The following GAB4 variants were observed in gnomAD, a reference collection of about 807,000 sequenced individuals.
GAB4 encodes the protein GRB2 associated binding protein family member 4, also known as GRB2-associated-binding protein 4.
Under a neutral mutation model 51.3 loss-of-function variants are expected in GAB4, and 26 were observed. The observed-to-expected ratio is 0.51, with a 90% CI of 0.37 to 0.70. The LOEUF is 0.70. Ranked by LOEUF, GAB4 falls within the 30% of genes least tolerant of loss-of-function variation. The probability of loss-of-function intolerance (pLI) is 0.00; values close to 1 mark genes in which losing one functional copy is unlikely to be tolerated. For missense variants in GAB4, 759 were observed against 734.6 expected (o/e 1.03, Z -0.38); for synonymous variants, 329 against 291.2 (o/e 1.13, Z -1.32).
chr22:16,987,886 T>A (rs2060880774), intron 3 of GAB4, 74 bp downstream of exon 3: 1 of 1,149,720 alleles, frequency 8.7e-7, no homozygotes. Flanking sequence ...CTTTGAAATT[T>A]AAAAAAATCA....
At chr22:17,007,732 T>C (rs185578407) in intron 1 of GAB4, among the ~76,000 whole-genome samples, 151 of 152,220 alleles carry the variant, frequency 9.9e-4, no homozygotes, top group African/African-American at 3.2e-3. Flanking sequence ...TCCCCAGCCC[T>C]GGAATCAACT....
intron 2 of GAB4, among the ~76,000 whole-genome samples, chr22:16,989,014 G>A (rs146102069): frequency 2.0e-4 from 31 of 152,214 alleles, no homozygotes; most frequent in African/African-American, 3.9e-4. Context: ...CCATGTTCCC[G>A]TTACATGCGT....
chr22:16,969,573 TC>T (rs1601250743), intron 4 of GAB4: 2 of 493,554 alleles, frequency 4.1e-6, no homozygotes, highest in East Asian at 6.1e-5. Context: ...CGGTGCCACC[TC>T]CCCTCTCCCT....
chr22:16,964,844 G>A lies in GAB4; in HGVS notation c.1398C>T (p.Ser466=), dbSNP rs150913589. Residue 466 remains serine, a synonymous_variant, in exon 8 of 10, where the codon AGC becomes AGT. Coordinates refer to ENST00000400588, the MANE Select transcript of GAB4 (RefSeq NM_001037814.1). ...GCGTGGAGATGGGGTGTTGGGAGGA[G>A]CTGGAGTCAAAGGTGTGGCTGTCAT... ...WSGTSHTFDS[S]SSQHPISTQS... 1.5e-5 allele frequency: 25 copies of A among 1,613,978 alleles called. No homozygotes were observed. The highest frequency in any genetic ancestry group is 2.0e-5 in the Non-Finnish European group (24 of 1,179,886).
chr22:17,001,291 T>A (rs11705203), intron 1 of GAB4, among the ~76,000 whole-genome samples: 3,367 of 152,346 alleles, frequency 0.022, 59 homozygotes, highest in Middle Eastern at 0.068. Context: ...AGACGTAGAT[T>A]TGGTCTTTTC....
rs552329498 is a variant in GAB4, at chr22:16,962,378, G to A, written c.*355C>T. 14 of 182,070 alleles carry A rather than the reference G, an allele frequency of 7.7e-5. No homozygotes were observed. The highest frequency in any genetic ancestry group is 6.1e-4 in the Admixed American group (10 of 16,360). 11.3% of individuals were successfully genotyped at this position (182,070 alleles called of 1,614,324 possible). The stretch of plus-strand genomic sequence containing the variant: ...TGTGGCCTGTGGGCCTTGGGTCCCC[G>A]GGTCAGCAAGGTAGCTCCTCATGTT... On this transcript the variant is annotated 3_prime_UTR_variant, in exon 10 of 10. Coordinates refer to ENST00000400588, the MANE Select transcript of GAB4 (RefSeq NM_001037814.1).
intron 3 of GAB4, among the ~76,000 whole-genome samples, chr22:16,984,082 AG>A (rs1216269678): frequency 2.0e-5 from 3 of 152,200 alleles, no homozygotes; most frequent in African/African-American, 7.2e-5. Context: ...AGAATATATA[AG>A]GAACTCTAAC....
intron 6 of GAB4, among the ~76,000 whole-genome samples, chr22:16,965,780 C>T (rs1474449607): frequency 6.6e-6 from 1 of 152,180 alleles, no homozygotes; most frequent in East Asian, 1.9e-4. Context: ...GAACCCCGTG[C>T]TGGGCCAAGG....
rs770517686 is a variant in GAB4, at chr22:16,962,441, G to A, written c.*292C>T. ...GAAACAGCCCAGAGGCTAGAAGGAA[G>A]AGGCTGAGGACCATGAGTAAGTGTG... On this transcript the variant is annotated 3_prime_UTR_variant, in exon 10 of 10. Transcript: ENST00000400588. The A allele has an allele frequency of 1.5e-5, 4 of 264,058 alleles. No homozygotes were observed. Among genetic ancestry groups the A allele is most frequent in the Non-Finnish European group, 2.8e-5 (4 of 140,352 alleles). 16.4% of individuals were successfully genotyped at this position (264,058 alleles called of 1,614,324 possible).
chr22:16,989,282 G>C (rs1371453639), intron 2 of GAB4, among the ~76,000 whole-genome samples: 1 of 152,206 alleles, frequency 6.6e-6, no homozygotes, highest in Non-Finnish European at 1.5e-5. Context: ...ATGTTTGGGT[G>C]GTGTTGATGG....
chr22:16,998,934 G>T (rs879138757), intron 1 of GAB4, among the ~76,000 whole-genome samples: 1 of 151,978 alleles, frequency 6.6e-6, no homozygotes, highest in African/African-American at 2.4e-5. Context: ...TTACATGATG[G>T]ATTACATTTA....
intron 3 of GAB4, 112 bp from the exon 4 acceptor site, chr22:16,970,305 A>G (rs2060720170): frequency 1.6e-6 from 2 of 1,224,672 alleles, no homozygotes; most frequent in African/African-American, 3.0e-5. Context: ...TGGAGAAAAC[A>G]CAGGAAGAGG....
chr22:16,996,707 A>C (rs1214950405), intron 1 of GAB4, among the ~76,000 whole-genome samples: 1 of 152,018 alleles, frequency 6.6e-6, no homozygotes, highest in Non-Finnish European at 1.5e-5. Flanking sequence ...ACATGCGCAA[A>C]ACGTGCAGGT....
intron 1 of GAB4, among the ~76,000 whole-genome samples, chr22:17,006,313 C>T (rs1279749426): frequency 6.6e-6 from 1 of 151,828 alleles, no homozygotes; most frequent in African/African-American, 2.4e-5. Flanking sequence ...GAGATACCAT[C>T]TCACGCCAGT....
At chr22:16,970,434 A>C (rs1448193032) in intron 3 of GAB4, among the ~76,000 whole-genome samples, 1 of 152,190 alleles carries the variant, frequency 6.6e-6, no homozygotes, top group Non-Finnish European at 1.5e-5. Flanking sequence ...CTCACTTTGC[A>C]GGTTGCTTAG....
chr22:16,992,037 T>C lies in GAB4; in HGVS notation c.314A>G (p.Asp105Gly), dbSNP rs746617675. The C allele has an allele frequency of 8.7e-6, 14 of 1,614,072 alleles. No individual in the cohort carries two copies. The East Asian group carries it at 1.8e-4, about 21-fold the overall frequency. ...CTTCTTGTTGAAGTTCAGAGTCACATCAACATCCAGCTGCTCACAGAGGTT... is the reference window on the plus strand; with the variant it reads ...CTTCTTGTTGAAGTTCAGAGTCACACCAACATCCAGCTGCTCACAGAGGTT... Reference protein sequence around the residue: ...NLNLCEQLDVDVTLNFNKKEI... With the variant: ...NLNLCEQLDVGVTLNFNKKEI... The change falls in exon 2 of 10, where the codon GAT becomes GGT. Residue 105 changes from aspartate to glycine, a missense_variant. Asp to Gly is a moderately conservative substitution (Grantham distance 94). Coordinates refer to ENST00000400588, the MANE Select transcript of GAB4 (RefSeq NM_001037814.1).
intron 3 of GAB4, among the ~76,000 whole-genome samples, chr22:16,979,463 G>C (rs886978032): frequency 6.6e-6 from 1 of 152,092 alleles, no homozygotes; most frequent in Non-Finnish European, 1.5e-5. Context: ...ACTTACAAGG[G>C]ATGAGAAGGA....
intron 1 of GAB4, among the ~76,000 whole-genome samples, chr22:16,994,469 G>T (rs1331439533): frequency 6.6e-6 from 1 of 152,214 alleles, no homozygotes; most frequent in Non-Finnish European, 1.5e-5. Context: ...CATGGTGCAG[G>T]TGTTATGTAT....
chr22:16,998,753 G>T (rs949531515), intron 1 of GAB4, among the ~76,000 whole-genome samples: 1 of 152,142 alleles, frequency 6.6e-6, no homozygotes, highest in Non-Finnish European at 1.5e-5. Context: ...TCCAGTTTTT[G>T]CCCATTCAGT....
Sources: gnomAD v4.1 joint callset for allele counts (sites outside exome capture counted in the v4.1 genomes callset) on GRCh38, gnomAD v4.1.1 for gene constraint, MANE v1.5 for transcripts, NCBI Gene and HGNC (gene_info 2026-07-23, HGNC 2026-07-21) for gene names.